Variants in NRP2 observed in about 807,000 individuals in gnomAD.
NRP2 encodes neuropilin-2.
A neutral mutation model predicts 110.4 loss-of-function variants in NRP2; 52 were observed. The observed-to-expected ratio is 0.47, with a 90% CI of 0.38 to 0.59. The LOEUF is 0.59. NRP2 is among the 20% of genes least tolerant of loss of function. The pLI, the probability that NRP2 is intolerant of heterozygous loss-of-function variation, is 0.00. For missense variants in NRP2, 1,049 were observed against 1,203.0 expected (o/e 0.87, Z 1.89); for synonymous variants, 508 against 468.9 (o/e 1.08, Z -1.08).
chr2:205,728,285 C>T (rs1559331380), intron 7 of NRP2, among the ~76,000 whole-genome samples: 1 of 152,198 alleles, frequency 6.6e-6, no homozygotes, highest in Non-Finnish European at 1.5e-5. Context: ...AGAGAGAGAG[C>T]TTGCAGAGTG....
intron 10 of NRP2, among the ~76,000 whole-genome samples, chr2:205,747,039 C>T (rs1275246668): frequency 6.6e-6 from 1 of 152,156 alleles, no homozygotes; most frequent in African/African-American, 2.4e-5. Context: ...CGTCCTCTCA[C>T]AGGTGCAGAA....
At chr2:205,703,844 T>C (rs1489283570) in intron 2 of NRP2, among the ~76,000 whole-genome samples, 1 of 152,162 alleles carries the variant, frequency 6.6e-6, no homozygotes, top group East Asian at 1.9e-4. Context: ...CAGTGAGCAT[T>C]GTAAGGGTAG....
At chr2:205,741,593 A>G (rs1182896188) in intron 8 of NRP2, among the ~76,000 whole-genome samples, 1 of 152,188 alleles carries the variant, frequency 6.6e-6, no homozygotes, top group Non-Finnish European at 1.5e-5. Flanking sequence ...CCAGAAATTT[A>G]TGGACAGACC....
intron 2 of NRP2, among the ~76,000 whole-genome samples, chr2:205,713,947 C>T (rs1019489375): frequency 2.0e-5 from 3 of 152,176 alleles, no homozygotes; most frequent in African/African-American, 2.4e-5. Context: ...CACCAAAATG[C>T]CTTTCAGAAT....
chr2:205,719,617 T>C (rs2056971791), intron 3 of NRP2, among the ~76,000 whole-genome samples: 1 of 152,174 alleles, frequency 6.6e-6, no homozygotes, highest in Non-Finnish European at 1.5e-5. Context: ...CCTGTTTGCC[T>C]GTGACACTTC....
chr2:205,766,876 A>C, intron 15 of NRP2, 73 bp downstream of exon 15: 3 of 1,368,864 alleles, frequency 2.2e-6, no homozygotes, highest in Non-Finnish European at 3.1e-6. Flanking sequence ...TGTGAATTTG[A>C]TGGGGGGAAT....
At chr2:205,738,524 G>A (rs976370105) in intron 7 of NRP2, among the ~76,000 whole-genome samples, 6 of 152,248 alleles carry the variant, frequency 3.9e-5, no homozygotes, top group Admixed American at 2.0e-4. Context: ...TTTTCAGTAC[G>A]AAGGAAGTAG....
intron 10 of NRP2, 107 bp from the exon 11 acceptor site, chr2:205,749,618 T>A: frequency 2.3e-6 from 2 of 877,692 alleles, no homozygotes; most frequent in Non-Finnish European, 3.9e-6. Flanking sequence ...TCCGTGCACA[T>A]GTGTGCATCT....
At chr2:205,732,095 A>C (rs570931892) in intron 7 of NRP2, among the ~76,000 whole-genome samples, 4 of 152,118 alleles carry the variant, frequency 2.6e-5, no homozygotes, top group African/African-American at 9.7e-5. Flanking sequence ...GGCTTCCTAC[A>C]TGTTCAGTCC....
intron 15 of NRP2, chr2:205,776,905 A>T: frequency 8.3e-7 from 1 of 1,197,906 alleles, no homozygotes. Context: ...CTGCCAGGAG[A>T]CGTGAGGGGA....
intron 1 of NRP2, among the ~76,000 whole-genome samples, chr2:205,690,416 C>T (rs1175217553): frequency 6.6e-6 from 1 of 151,964 alleles, no homozygotes; most frequent in Non-Finnish European, 1.5e-5. Flanking sequence ...GACAAAACCC[C>T]TGAGATAAAT....
At position 205,763,994 on chromosome 2, in the gene NRP2, C is replaced by T. The variant is rs916284732; in HGVS notation, c.2307+58C>T. 95 of 1,601,850 alleles carry T rather than the reference C, an allele frequency of 5.9e-5. 1 individual carries two copies. In the Admixed American group the frequency reaches 6.4e-4, roughly 11 times the overall value. ...GTATTTCAATATTTCAAGGGCCGAG[C>T]CCATTCATCGTTAGGGAACGTGGTT... On this transcript the variant is annotated intron_variant, in intron 13 of 16. Coordinates refer to ENST00000357785, the MANE Select transcript of NRP2 (RefSeq NM_003872.3). This position sits in a 1 kb window ranked among gnomAD's most constrained non-coding sequence, Gnocchi z 4.0.
At chr2:205,792,433 A>G (rs1046077133) in intron 16 of NRP2, 148 bp downstream of exon 16, 8 of 657,158 alleles carry the variant, frequency 1.2e-5, no homozygotes, top group Admixed American at 9.8e-5. Context: ...AAAATGAGGG[A>G]ACCATCAATG....
intron 1 of NRP2, among the ~76,000 whole-genome samples, chr2:205,685,145 C>T (rs1162902045): frequency 6.6e-6 from 1 of 152,220 alleles, no homozygotes; most frequent in Non-Finnish European, 1.5e-5. Context: ...TCCCGCTCTG[C>T]CACCTGCCTG....
Position 205,796,437 on chromosome 2 carries a change from TACAC to T in NRP2, c.*1383_*1386del, listed in dbSNP as rs931542123. The T allele has an allele frequency of 2.0e-5, 3 of 152,512 alleles. No homozygotes were observed. Among genetic ancestry groups the T allele is most frequent in the Non-Finnish European group, 4.4e-5 (3 of 68,044 alleles). 9.4% of individuals were successfully genotyped at this position (152,512 alleles called of 1,614,324 possible). ...ATACACACATGCACGCACACACACA[TACAC>T]ACATGCACGCACGCACGCATGCACA... On this transcript the variant is annotated 3_prime_UTR_variant, in exon 17 of 17. Transcript: ENST00000357785.
chr2:205,698,905 G>A (rs2056494324), intron 2 of NRP2, among the ~76,000 whole-genome samples: 1 of 152,220 alleles, frequency 6.6e-6, no homozygotes, highest in Non-Finnish European at 1.5e-5. Flanking sequence ...AACTCCTACA[G>A]GCCAGGTCTG....
intron 13 of NRP2, chr2:205,764,363 G>A (rs903951516): frequency 1.1e-4 from 21 of 195,428 alleles, no homozygotes; most frequent in African/African-American, 3.8e-4. Flanking sequence ...GAAGGGGAGC[G>A]GGGGCTGTTG....
chr2:205,752,875 C>T lies in NRP2; in HGVS notation c.1944C>T (p.Phe648=), dbSNP rs377534049. 2.1e-5 allele frequency: 34 copies of T among 1,614,074 alleles called. No homozygotes were observed. Among genetic ancestry groups the T allele is most frequent in the African/African-American group, 1.5e-4 (11 of 74,938 alleles). ...TCCCTTCGGGATTCAATTGCAACTT[C>T]GATTTCCTCGAGGAGCCCTGTGGTT... The part of the protein sequence containing the change: ...LQLPSGFNCN[F]DFLEEPCGWM... Residue 648 remains phenylalanine, a synonymous_variant, in exon 12 of 17, where the codon TTC becomes TTT. Coordinates refer to ENST00000357785, the MANE Select transcript of NRP2 (RefSeq NM_003872.3).
chr2:205,738,786 C>T (rs2057390369), intron 7 of NRP2, among the ~76,000 whole-genome samples: 1 of 152,162 alleles, frequency 6.6e-6, no homozygotes, highest in African/African-American at 2.4e-5. Flanking sequence ...GAGGGAGCAG[C>T]AGGCTGGGTG....
Sources: allele counts gnomAD v4.1 joint callset (sites outside exome capture counted in the v4.1 genomes callset), GRCh38; gene constraint gnomAD v4.1.1; non-coding constraint Gnocchi (gnomAD v3.1); transcripts MANE v1.5; gene names NCBI Gene and HGNC (gene_info 2026-07-23, HGNC 2026-07-21).